Variants in TDRP observed in about 807,000 individuals in gnomAD.
The protein encoded by TDRP is testis development-related protein.
TDRP carries 12 observed loss-of-function variants against 10.5 expected under a neutral mutation model. The observed-to-expected ratio is 1.15, with a 90% CI of 0.73 to 1.86. TDRP has a LOEUF of 1.86. Among genes scored for constraint, TDRP ranks in the 40% most tolerant of loss-of-function variants. The pLI is 0.00. For missense variants in TDRP, 353 were observed against 229.2 expected, an observed-to-expected ratio of 1.54 and a Z score of -3.49; for synonymous variants, 139 against 95.4, an observed-to-expected ratio of 1.46 and a Z score of -2.67.
intron 1 of TDRP, among the ~76,000 whole-genome samples, chr8:542,794 G>T (rs920075195): frequency 1.3e-5 from 2 of 149,482 alleles, no homozygotes; most frequent in African/African-American, 4.9e-5. Flanking sequence ...ACCCGGGAGG[G>T]TGCAGTGAGC....
In TDRP at chr8:492,312, T is replaced by G; in HGVS notation, c.*87A>C. ...TATAGGCAAAAAGTAGACTCTCTAT[T>G]CTTTCTAACGCGGAAAAGACTCAAC... On this transcript the variant is annotated 3_prime_UTR_variant, in exon 3 of 3. Coordinates refer to ENST00000324079, the MANE Select transcript of TDRP (RefSeq NM_001384899.1). The G allele has an allele frequency of 7.2e-7, 1 of 1,380,366 alleles. No homozygotes were observed. The highest frequency in any genetic ancestry group is 9.4e-7 in the Non-Finnish European group (1 of 1,063,900). 85.5% of individuals were successfully genotyped at this position (1,380,366 alleles called of 1,614,324 possible). A position where few individuals can be genotyped will look rare whatever the true frequency, so the allele number is the denominator to read the frequency against.
Position 491,873 on chromosome 8 carries a change from T to A in TDRP, c.*526A>T. 1 of 1,199,516 alleles carries A rather than the reference T, an allele frequency of 8.3e-7. No individual in the cohort carries two copies. The highest frequency in any genetic ancestry group is 1.0e-6 in the Non-Finnish European group (1 of 967,150). The allele number at this position is 1,199,516 out of a possible 1,614,324, so 74.3% of individuals were successfully genotyped here. ...AAATATAAGCTTTGCTTTTCCAGTA[T>A]TTGTTTACGTATTTGTTTAATAAGA... On this transcript the variant is annotated 3_prime_UTR_variant, in exon 3 of 3. Coordinates refer to ENST00000324079, the MANE Select transcript of TDRP (RefSeq NM_001384899.1).
At chr8:544,952 G>A (rs1216979478), upstream of TDRP, 2 of 273,410 alleles carry the variant, frequency 7.3e-6, no homozygotes, top group Non-Finnish European at 1.2e-5. Context: ...CCCTCCCCAG[G>A]ACCCGGCCCG....
chr8:540,559 G>A (rs757540099), intron 1 of TDRP, among the ~76,000 whole-genome samples: 8 of 151,852 alleles, frequency 5.3e-5, no homozygotes, highest in Non-Finnish European at 7.4e-5. Context: ...GAAAACTTGC[G>A]TCTTTCTGTT....
rs1801077464 is a variant in TDRP at position 494,577 on chromosome 8, T to C, written c.129A>G (p.Arg43=). The C allele has an allele frequency of 1.7e-5, 28 of 1,613,766 alleles. No individual in the cohort carries two copies. Among genetic ancestry groups the C allele is most frequent in the Non-Finnish European group, 2.4e-5 (28 of 1,179,858 alleles). Reference sequence around the variant, plus strand: ...ACAGTGAAGTCACTTCTTTCCAACCTCGGAAACTTGCTCCCTGAACCTAAT... The same window carrying C: ...ACAGTGAAGTCACTTCTTTCCAACCCCGGAAACTTGCTCCCTGAACCTAAT... ...AQAQVQGASF[R]GWKEVTSLFN... The change falls in exon 2 of 3, where the codon CGA becomes CGG. Residue 43 remains arginine (R), a synonymous_variant. Coordinates refer to ENST00000324079, the MANE Select transcript of TDRP (RefSeq NM_001384899.1).
intron 1 of TDRP, among the ~76,000 whole-genome samples, chr8:518,007 T>C (rs1031276818): frequency 6.6e-6 from 1 of 152,180 alleles, no homozygotes; most frequent in Non-Finnish European, 1.5e-5. Flanking sequence ...CTTATGGCAG[T>C]GGAACCACCA....
At chr8:521,408 T>C (rs1801902365) in intron 1 of TDRP, among the ~76,000 whole-genome samples, 2 of 101,316 alleles carry the variant, frequency 2.0e-5, no homozygotes, top group Non-Finnish European at 4.7e-5. Context: ...GAGAGAGAGA[T>C]GCCGTCCCAA....
At chr8:534,558 A>G (rs889459424) in intron 1 of TDRP, among the ~76,000 whole-genome samples, 3 of 152,190 alleles carry the variant, frequency 2.0e-5, no homozygotes, top group Admixed American at 6.5e-5. Flanking sequence ...AACACTAGCC[A>G]GTGCTTTAGC....
intron 1 of TDRP, among the ~76,000 whole-genome samples, chr8:501,481 G>C (rs1256824128): frequency 1.3e-5 from 2 of 151,858 alleles, no homozygotes; most frequent in African/African-American, 4.8e-5. Context: ...TGAGTAGCTG[G>C]AATTACAGGC....
In TDRP at chr8:520,697, A is replaced by C. The variant is rs558726675; in HGVS notation, c.108+23953T>G. On this transcript the variant is annotated intron_variant, in intron 1 of 2. Transcript: ENST00000324079. ...ATTTGTATTTCCCTGATGATTAGCA[A>C]CGTTGAACATCTTTTCATATGCTTA... Among the ~76,000 whole-genome samples the C allele has an allele frequency of 3.3e-5, 5 of 152,310 alleles. No homozygotes were observed. In the East Asian group the frequency reaches 9.6e-4, roughly 29 times the overall value.
At chr8:529,044 G>A (rs1343609649) in intron 1 of TDRP, among the ~76,000 whole-genome samples, 1 of 152,154 alleles carries the variant, frequency 6.6e-6, no homozygotes, top group Non-Finnish European at 1.5e-5. Context: ...GGCTAGGCCA[G>A]TCTAGCCTTT....
intron 1 of TDRP, among the ~76,000 whole-genome samples, chr8:502,596 AC>A (rs1311535346): frequency 6.6e-6 from 1 of 152,214 alleles, no homozygotes; most frequent in Non-Finnish European, 1.5e-5. Context: ...ACCTACGCCT[AC>A]CTCAGCACGT....
chr8:530,147 T>A (rs1584360), intron 1 of TDRP, among the ~76,000 whole-genome samples: 1 of 151,744 alleles, frequency 6.6e-6, no homozygotes, highest in South Asian at 2.1e-4. Flanking sequence ...ATCCCTCTAG[T>A]TAATTTTTCA....
chr8:505,514 A>C (rs549036846), intron 1 of TDRP, among the ~76,000 whole-genome samples: 1 of 152,246 alleles, frequency 6.6e-6, no homozygotes, highest in Admixed American at 6.5e-5. Flanking sequence ...CTGCAGGTGC[A>C]GGAAGGTTGC....
At chr8:521,951 C>G (rs550590112) in intron 1 of TDRP, among the ~76,000 whole-genome samples, 1 of 151,962 alleles carries the variant, frequency 6.6e-6, no homozygotes, top group African/African-American at 2.4e-5. Context: ...TTTCTAAGTA[C>G]CTTTTTTCTT....
chr8:504,906 T>G (rs553962090), intron 1 of TDRP, among the ~76,000 whole-genome samples: 5 of 152,312 alleles, frequency 3.3e-5, no homozygotes, highest in South Asian at 4.1e-4. Context: ...TCTGAAAAAC[T>G]TCTACCTATG....
intron 1 of TDRP, among the ~76,000 whole-genome samples, chr8:508,750 A>G (rs1269537730): frequency 6.6e-6 from 1 of 152,202 alleles, no homozygotes; most frequent in Non-Finnish European, 1.5e-5. Flanking sequence ...AGACACAATT[A>G]TGCCTTCTCA....
chr8:535,231 A>T (rs1563132489), intron 1 of TDRP, among the ~76,000 whole-genome samples: 1 of 151,786 alleles, frequency 6.6e-6, no homozygotes, highest in Non-Finnish European at 1.5e-5. Context: ...CTGTCCACAC[A>T]CTCGCCTGGT....
At chr8:510,373 A>G (rs1260499661) in intron 1 of TDRP, among the ~76,000 whole-genome samples, 1 of 152,180 alleles carries the variant, frequency 6.6e-6, no homozygotes, top group Non-Finnish European at 1.5e-5. Flanking sequence ...CTTCTCACTC[A>G]GGAAATCCCA....
Sources: gnomAD v4.1 joint callset for allele counts (sites outside exome capture counted in the v4.1 genomes callset) on GRCh38, gnomAD v4.1.1 for gene constraint, MANE v1.5 for transcripts, NCBI Gene and HGNC (gene_info 2026-07-23, HGNC 2026-07-21) for gene names.